The following DNAH9 variants were observed in gnomAD, a reference collection of about 807,000 sequenced individuals.
DNAH9 encodes the protein DNAH9 variant protein.
In DNAH9, 345 loss-of-function variants were observed where a neutral mutation model predicts 471.6. That is an observed-to-expected ratio of 0.73 (90% confidence interval 0.67 to 0.80). The LOEUF (loss-of-function observed/expected upper bound fraction) is 0.80. DNAH9 is among the 30% of genes least tolerant of loss of function. DNAH9 has a pLI of 0.00. For synonymous variants in DNAH9, 2,093 were observed against 2,123.6 expected (o/e 0.99, Z 0.40); for missense variants, 5,407 against 5,609.2 (o/e 0.96, Z 1.15).
At position 11,822,891 on chromosome 17, in the gene DNAH9, C is replaced by T. The variant is rs201172849; in HGVS notation, c.9103C>T (p.Arg3035Cys). Residue 3035 changes from arginine to cysteine, a missense_variant, in exon 48 of 69, where the codon CGC becomes TGC. This residue lies in a region of DNAH9 where 4,636 missense variants were observed against 4,900.3 expected (regional missense o/e 0.95). Coordinates refer to ENST00000262442, the MANE Select transcript of DNAH9 (RefSeq NM_001372.4). ...TSQSYLSNEQ[R>C]YNYTTPKSFL... ...CCAGTCTTATCTGAGCAATGAACAG[C>T]GCTACAACTATACAACTCCCAAGTC... The T allele has an allele frequency of 8.7e-6, 14 of 1,614,230 alleles. No individual in the cohort carries two copies. Among genetic ancestry groups the T allele is most frequent in the African/African-American group, 5.3e-5 (4 of 75,060 alleles).
intron 60 of DNAH9, among the ~76,000 whole-genome samples, 195 bp downstream of exon 60, chr17:11,903,107 G>A (rs576907159): frequency 3.9e-5 from 6 of 152,316 alleles, no homozygotes; most frequent in Non-Finnish European, 7.4e-5. Context: ...TCGGGAGGCC[G>A]AGGCAGGTGG....
chr17:11,813,625 G>A (rs1207636288), intron 45 of DNAH9, among the ~76,000 whole-genome samples: 1 of 152,204 alleles, frequency 6.6e-6, no homozygotes. Context: ...AGTGAATGCA[G>A]TTCTCTCCCA....
intron 60 of DNAH9, among the ~76,000 whole-genome samples, chr17:11,903,418 T>G (rs1001379534): frequency 6.6e-6 from 1 of 152,194 alleles, no homozygotes; most frequent in Non-Finnish European, 1.5e-5. Context: ...ATATAAATGT[T>G]CTAAAACGGG....
chr17:11,835,947 G>C (rs560386207), intron 49 of DNAH9, among the ~76,000 whole-genome samples: 1 of 152,112 alleles, frequency 6.6e-6, no homozygotes, highest in African/African-American at 2.4e-5. Flanking sequence ...GAGCTAGCCC[G>C]CTATTTGTAT....
At chr17:11,862,146 G>A (rs950719460) in intron 50 of DNAH9, among the ~76,000 whole-genome samples, 4 of 131,468 alleles carry the variant, frequency 3.0e-5, no homozygotes, top group Non-Finnish European at 5.1e-5. Context: ...GGTTTATATG[G>A]TTTTAGGTCT....
At chr17:11,857,654 A>G (rs1567852985) in intron 50 of DNAH9, among the ~76,000 whole-genome samples, 1 of 152,178 alleles carries the variant, frequency 6.6e-6, no homozygotes, top group Non-Finnish European at 1.5e-5. Context: ...TATAGTTTGG[A>G]TATTTGTTCC....
At chr17:11,671,285 A>C (rs2073967372) in intron 17 of DNAH9, among the ~76,000 whole-genome samples, 1 of 152,198 alleles carries the variant, frequency 6.6e-6, no homozygotes, top group Admixed American at 6.5e-5. Context: ...AAGATAGGTT[A>C]TTACTCACAG....
chr17:11,876,361 G>T (rs188734766), intron 53 of DNAH9, among the ~76,000 whole-genome samples: 1 of 152,040 alleles, frequency 6.6e-6, no homozygotes, highest in East Asian at 1.9e-4. Flanking sequence ...TAGCATCCCT[G>T]TATCAAAATA....
Position 11,929,940 on chromosome 17 carries a change from A to C in DNAH9, c.11952A>C (p.Pro3984=), listed in dbSNP as rs1974450857. The C allele has an allele frequency of 1.2e-6, 2 of 1,614,070 alleles. No individual in the cohort carries two copies. Among genetic ancestry groups the C allele is most frequent in the East Asian group, 4.5e-5 (2 of 44,860 alleles). The change falls in exon 63 of 69, where the codon CCA becomes CCC. Residue 3984 remains proline, a synonymous_variant. Transcript: ENST00000262442. ...KLEEHSENSH[P]EFRVFMSAEP... Reference sequence around the variant, plus strand: ...AGGAGCACAGTGAGAACAGCCACCCAGAGTTCAGGGTCTTCATGAGTGCAG... The same window carrying C: ...AGGAGCACAGTGAGAACAGCCACCCCGAGTTCAGGGTCTTCATGAGTGCAG...
At chr17:11,836,370 G>A (rs956146903) in intron 49 of DNAH9, among the ~76,000 whole-genome samples, 45 of 152,152 alleles carry the variant, frequency 3.0e-4, no homozygotes, top group Non-Finnish European at 4.4e-5. Flanking sequence ...TGTGAGATGT[G>A]AGTGCATTTT....
chr17:11,741,245 C>A (rs980114832), intron 29 of DNAH9, among the ~76,000 whole-genome samples: 2 of 151,950 alleles, frequency 1.3e-5, no homozygotes, highest in African/African-American at 4.8e-5. Flanking sequence ...ACATACCCAA[C>A]AAATTAAAAA....
intron 31 of DNAH9, among the ~76,000 whole-genome samples, chr17:11,745,461 C>A (rs1051336144): frequency 2.0e-5 from 3 of 152,120 alleles, no homozygotes; most frequent in Admixed American, 6.6e-5. Flanking sequence ...AAAGAGAACA[C>A]CCAAAACCAG....
At chr17:11,783,018 T>A (rs1424632639) in intron 39 of DNAH9, among the ~76,000 whole-genome samples, 1 of 152,250 alleles carries the variant, frequency 6.6e-6, no homozygotes, top group East Asian at 1.9e-4. Flanking sequence ...TCCACTATTA[T>A]TTGATTTCTG....
intron 45 of DNAH9, among the ~76,000 whole-genome samples, chr17:11,817,731 TG>T (rs2150935774): frequency 6.6e-6 from 1 of 152,350 alleles, no homozygotes; most frequent in East Asian, 1.9e-4. Context: ...CAGAAGAGGC[TG>T]AAATGAGTCA....
intron 3 of DNAH9, among the ~76,000 whole-genome samples, 181 bp from the exon 4 acceptor site, chr17:11,611,469 G>C (rs927991577): frequency 6.6e-6 from 1 of 152,190 alleles, no homozygotes; most frequent in Non-Finnish European, 1.5e-5. Flanking sequence ...TGTGTTCCCA[G>C]CTCAGGCTTT....
intron 66 of DNAH9, among the ~76,000 whole-genome samples, chr17:11,941,963 C>T (rs1024804743): frequency 3.3e-5 from 5 of 152,234 alleles, no homozygotes; most frequent in African/African-American, 1.2e-4. Flanking sequence ...TGGCCCAAGT[C>T]TGTCTTATGG....
intron 48 of DNAH9, among the ~76,000 whole-genome samples, chr17:11,827,088 G>A (rs1397775918): frequency 1.3e-5 from 2 of 151,940 alleles, no homozygotes; most frequent in East Asian, 3.9e-4. Context: ...GCCTCCCAAG[G>A]TGTTGGGATT....
chr17:11,744,170 G>A (rs1173425389), intron 30 of DNAH9, among the ~76,000 whole-genome samples: 1 of 152,042 alleles, frequency 6.6e-6, no homozygotes, highest in Non-Finnish European at 1.5e-5. Flanking sequence ...GTAGCAATCT[G>A]CTACAAATCA....
At chr17:11,624,374 C>T (rs1471406197) in intron 6 of DNAH9, among the ~76,000 whole-genome samples, 3 of 151,958 alleles carry the variant, frequency 2.0e-5, no homozygotes, top group African/African-American at 4.8e-5. Flanking sequence ...CCGGGCATGG[C>T]GGCATACCCG....
Sources: allele counts gnomAD v4.1 joint callset (sites outside exome capture counted in the v4.1 genomes callset), GRCh38; gene constraint gnomAD v4.1.1; regional missense constraint gnomAD v4.1.1; transcripts MANE v1.5; gene names NCBI Gene and HGNC (gene_info 2026-07-23, HGNC 2026-07-21).